The following CA1 variants were observed in gnomAD, a reference collection of about 807,000 sequenced individuals.
The protein encoded by CA1 is carbonate dehydratase I.
A neutral mutation model predicts 28.8 loss-of-function variants in CA1; 27 were observed. The ratio of observed to expected loss-of-function variants is 0.94; its 90% CI spans 0.69 to 1.29. CA1 has a LOEUF of 1.29. Ranked by LOEUF, CA1 falls within the 50% of genes most tolerant of loss-of-function variation. The pLI, the probability that CA1 is intolerant of heterozygous loss-of-function variation, is 0.00. For synonymous variants in CA1, 121 were observed against 108.8 expected, an observed-to-expected ratio of 1.11 and a Z score of -0.70; for missense variants, 335 against 310.5, an observed-to-expected ratio of 1.08 and a Z score of -0.59.
intron 3 of CA1, 181 bp from the exon 4 acceptor site, chr8:85,337,244 C>G (rs926090212): frequency 3.2e-6 from 2 of 615,688 alleles, no homozygotes; most frequent in East Asian, 3.0e-5. Flanking sequence ...ATGGTGCACC[C>G]CTGACTGTGG....
chr8:85,369,098 T>C (rs990838632), intron 1 of CA1, among the ~76,000 whole-genome samples: 1 of 152,172 alleles, frequency 6.6e-6, no homozygotes, highest in African/African-American at 2.4e-5. Context: ...CTCTGGGTTC[T>C]TCCCTCTGAG....
intron 1 of CA1, among the ~76,000 whole-genome samples, chr8:85,347,803 A>G (rs950423352): frequency 2.0e-5 from 3 of 152,170 alleles, no homozygotes; most frequent in Non-Finnish European, 4.4e-5. Context: ...GACATCTTTT[A>G]TAGTAAATAA....
intron 1 of CA1, among the ~76,000 whole-genome samples, chr8:85,350,120 C>T (rs1189173909): frequency 6.6e-6 from 1 of 152,044 alleles, no homozygotes; most frequent in Non-Finnish European, 1.5e-5. Flanking sequence ...TTTCAAGTTG[C>T]TCCAGGCAAA....
intron 4 of CA1, among the ~76,000 whole-genome samples, chr8:85,334,000 T>C (rs956880362): frequency 2.0e-5 from 3 of 152,224 alleles, no homozygotes; most frequent in Non-Finnish European, 2.9e-5. Context: ...GAGAAAGGGT[T>C]CCTGGAGTTC....
intron 6 of CA1, among the ~76,000 whole-genome samples, chr8:85,331,219 A>C (rs941410569): frequency 6.6e-6 from 1 of 152,114 alleles, no homozygotes; most frequent in East Asian, 1.9e-4. Flanking sequence ...CATTTTATCT[A>C]AATTTTCAAA....
In CA1 at chr8:85,356,671, T is replaced by C. The variant is rs114005840; in HGVS notation, c.-24-15012A>G. On this transcript the variant is annotated intron_variant, in intron 1 of 7. Coordinates refer to ENST00000523022, the MANE Select transcript of CA1 (RefSeq NM_001128831.4). ...GAAAAGTGCTTTCCTTTTTTTTCAT[T>C]TTACTTAATCTTAAAACTAAATGTC... is the stretch of plus-strand genomic sequence containing the variant. Among the ~76,000 whole-genome samples the C allele has an allele frequency of 9.5e-3, 1,443 of 152,308 alleles. 19 individuals are homozygous for C. Among genetic ancestry groups the C allele is most frequent in the African/African-American group, 0.032 (1,338 of 41,570 alleles).
At chr8:85,334,991 AAAAT>A (rs1187149137) in intron 4 of CA1, among the ~76,000 whole-genome samples, 9 of 117,312 alleles carry the variant, frequency 7.7e-5, no homozygotes, top group African/African-American at 2.7e-4. Flanking sequence ...CTCTTTCTCA[AAAAT>A]AAATAAATAA....
intron 2 of CA1, among the ~76,000 whole-genome samples, chr8:85,338,880 A>AT (rs372391379): frequency 5.3e-5 from 8 of 150,844 alleles, no homozygotes; most frequent in Admixed American, 2.0e-4. Flanking sequence ...TGCCTGGCCA[A>AT]TTTTTTTGTA....
At chr8:85,358,203 G>C (rs1032062636) in intron 1 of CA1, among the ~76,000 whole-genome samples, 1 of 152,154 alleles carries the variant, frequency 6.6e-6, no homozygotes, top group Non-Finnish European at 1.5e-5. Flanking sequence ...CCATGACCAA[G>C]GTTGAGGTAT....
intron 7 of CA1, 53 bp from the exon 8 acceptor site, chr8:85,328,729 G>A (rs544308306): frequency 6.0e-6 from 7 of 1,174,800 alleles, no homozygotes; most frequent in Admixed American, 1.8e-5. Flanking sequence ...TACATAAAGC[G>A]TTTTATTTAC....
chr8:85,373,157 C>T lies in CA1; in HGVS notation c.-25+4889G>A, dbSNP rs2466767. On this transcript the variant is annotated intron_variant, in intron 1 of 7. Coordinates refer to ENST00000523022, the MANE Select transcript of CA1 (RefSeq NM_001128831.4). Reference sequence around the variant, plus strand: ...TCGTGCTAGTGTTGGTGTTGCAACTCAAACTGTAAAAGTTACAGCTACAGT... The same window carrying T: ...TCGTGCTAGTGTTGGTGTTGCAACTTAAACTGTAAAAGTTACAGCTACAGT... Among the ~76,000 whole-genome samples the T allele has an allele frequency of 8.3e-3, 1,270 of 152,296 alleles. 12 individuals are homozygous for T. The highest frequency in any genetic ancestry group is 0.045 in the East Asian group (234 of 5,190).
chr8:85,355,249 A>C (rs1387775656), intron 1 of CA1, among the ~76,000 whole-genome samples: 2 of 152,232 alleles, frequency 1.3e-5, no homozygotes, highest in Non-Finnish European at 2.9e-5. Context: ...CTGCAAAGGA[A>C]GAACTGGTAT....
chr8:85,373,771 C>A (rs1424782014), intron 1 of CA1, among the ~76,000 whole-genome samples: 2 of 152,108 alleles, frequency 1.3e-5, no homozygotes, highest in Non-Finnish European at 2.9e-5. Flanking sequence ...AGAAATGATA[C>A]ATGCTACAAT....
Position 85,354,415 on chromosome 8 carries a change from T to G in CA1, c.-24-12756A>C, listed in dbSNP as rs1809529459. On this transcript the variant is annotated intron_variant, in intron 1 of 7. Transcript: ENST00000523022. The stretch of plus-strand genomic sequence containing the variant: ...TAGATACACCCCAGAGTACCACCTT[T>G]TAGCAGAGAAGTCCATTCTTCCTTC... Among the ~76,000 whole-genome samples, 3 of 152,272 alleles carry G rather than the reference T, an allele frequency of 2.0e-5. No homozygotes were observed. The South Asian group carries it at 6.2e-4, about 32-fold the overall frequency.
At chr8:85,347,953 A>G (rs777836019) in intron 1 of CA1, among the ~76,000 whole-genome samples, 1 of 152,224 alleles carries the variant, frequency 6.6e-6, no homozygotes, top group Non-Finnish European at 1.5e-5. Context: ...GAAGTGATGT[A>G]TAATTATAAC....
At chr8:85,376,786 ATGCCCAGCAGATT>A (rs1310591367) in intron 1 of CA1, among the ~76,000 whole-genome samples, 1 of 152,158 alleles carries the variant, frequency 6.6e-6, no homozygotes, top group Non-Finnish European at 1.5e-5. Context: ...CCTCAAGGAG[ATGCCCAGCAGATT>A]GACTTTCGGG....
rs540334947 is a variant in CA1, at chr8:85,338,024, G to A, written c.235+228C>T. The A allele has an allele frequency of 1.6e-4, 104 of 669,588 alleles. 1 individual carries two copies. The highest frequency in any genetic ancestry group is 1.4e-3 in the South Asian group (92 of 66,164). The allele number at this position is 669,588 out of a possible 1,614,324, so 41.5% of individuals were successfully genotyped here. On this transcript the variant is annotated intron_variant, in intron 3 of 7. Coordinates refer to ENST00000523022, the MANE Select transcript of CA1 (RefSeq NM_001128831.4). ...AGATACTGGAATGACGAGAAGAGACGTGATGGTGACTTTGAGAAGCAAGAC... is the reference window on the plus strand; with the variant it reads ...AGATACTGGAATGACGAGAAGAGACATGATGGTGACTTTGAGAAGCAAGAC...
chr8:85,341,269 TA>T, intron 2 of CA1: 2 of 228,366 alleles, frequency 8.8e-6, no homozygotes, highest in East Asian at 9.5e-5. Flanking sequence ...GACAACAGCA[TA>T]GTGTAAACAT....
At chr8:85,375,244 C>A (rs1810366844) in intron 1 of CA1, among the ~76,000 whole-genome samples, 1 of 151,968 alleles carries the variant, frequency 6.6e-6, no homozygotes, top group African/African-American at 2.4e-5. Context: ...AACATTAGGA[C>A]AAGGGCAATG....
Sources: allele counts gnomAD v4.1 joint callset (sites outside exome capture counted in the v4.1 genomes callset), GRCh38; gene constraint gnomAD v4.1.1; transcripts MANE v1.5; gene names NCBI Gene and HGNC (gene_info 2026-07-23, HGNC 2026-07-21).